PIERCE1: variants seen among roughly 807,000 people sequenced by gnomAD.
PIERCE1 encodes piercer of microtubule wall 1, also known as piercer of microtubule wall 1 protein.
chr9:135,499,602 ATCT>A, the PIERCE1 span: 5 of 1,431,798 alleles, frequency 3.5e-6, no homozygotes, highest in Non-Finnish European at 4.8e-6. Flanking sequence ...TGACCACTCG[ATCT>A]TCTTGATTTC....
the PIERCE1 span, among the ~76,000 whole-genome samples, chr9:135,496,504 C>T: frequency 6.6e-6 from 1 of 152,236 alleles, no homozygotes; most frequent in African/African-American, 2.4e-5. Context: ...CCTGATGTTT[C>T]ATCTCCTTGG....
At chr9:135,497,822 A>G in the PIERCE1 span, among the ~76,000 whole-genome samples, 5 of 152,218 alleles carry the variant, frequency 3.3e-5, no homozygotes, top group African/African-American at 7.2e-5. Context: ...GCATTTTTAG[A>G]TAAGTAATCT....
the PIERCE1 span, among the ~76,000 whole-genome samples, chr9:135,497,134 A>G: frequency 6.6e-6 from 1 of 152,180 alleles, no homozygotes; most frequent in East Asian, 1.9e-4. Flanking sequence ...TTTATCTTCT[A>G]TTCCCACATG....
chr9:135,496,756 G>A, the PIERCE1 span, among the ~76,000 whole-genome samples: 12 of 149,014 alleles, frequency 8.1e-5, no homozygotes, highest in African/African-American at 2.3e-4. Flanking sequence ...ACAGGGATCC[G>A]CCCATGCAGT....
At chr9:135,499,561 A>C in the PIERCE1 span, 1 of 1,104,980 alleles carries the variant, frequency 9.0e-7, no homozygotes, top group Non-Finnish European at 1.3e-6. Flanking sequence ...GTCGCCGCTC[A>C]CTGGCGGGCG....
chr9:135,497,223 A>T, the PIERCE1 span, among the ~76,000 whole-genome samples: 1 of 152,172 alleles, frequency 6.6e-6, no homozygotes, highest in Non-Finnish European at 1.5e-5. Context: ...GGTGGATAAG[A>T]AGGAGGAGAA....
chr9:135,498,138 C>CA, the PIERCE1 span, among the ~76,000 whole-genome samples: 1 of 152,158 alleles, frequency 6.6e-6, no homozygotes, highest in Admixed American at 6.5e-5. The surrounding 1 kb of genome is among the most constrained non-coding windows in gnomAD (Gnocchi z 4.1). Context: ...CTTGCCCACC[C>CA]ACAAGCTGTG....
chr9:135,495,715 G>A, the PIERCE1 span: 1 of 1,150,558 alleles, frequency 8.7e-7, no homozygotes, highest in East Asian at 2.6e-5. Flanking sequence ...AGAAAATGCA[G>A]AGAAGCCAGA....
At chr9:135,499,332 C>T in the PIERCE1 span, 1 of 466,982 alleles carries the variant, frequency 2.1e-6, no homozygotes, top group Non-Finnish European at 4.2e-6. Flanking sequence ...TCTTAGCCTG[C>T]AATGCCCTGT....
At chr9:135,495,195 C>T in the PIERCE1 span, 18 of 477,102 alleles carry the variant, frequency 3.8e-5, no homozygotes, top group African/African-American at 3.0e-4. Flanking sequence ...GATGTGACAA[C>T]GTTTTTAATG....
the PIERCE1 span, chr9:135,499,098 T>C: frequency 3.7e-6 from 1 of 272,340 alleles, no homozygotes; most frequent in Non-Finnish European, 7.2e-6. Flanking sequence ...CCACTGCCCC[T>C]ACCTGTCAGT....
the PIERCE1 span, chr9:135,499,534 A>T: frequency 1.1e-6 from 1 of 877,610 alleles, no homozygotes; most frequent in Non-Finnish European, 1.9e-6. Context: ...TCCTTGTATG[A>T]GGCTCTAGGG....
chr9:135,499,543 G>T, the PIERCE1 span: 1 of 946,716 alleles, frequency 1.1e-6, no homozygotes, highest in South Asian at 1.4e-5. Flanking sequence ...GAGGCTCTAG[G>T]GAGCACGGTC....
the PIERCE1 span, chr9:135,498,994 T>C: frequency 3.2e-5 from 10 of 314,032 alleles, no homozygotes; most frequent in Non-Finnish European, 6.0e-5. This position sits in a 1 kb window ranked among gnomAD's most constrained non-coding sequence, Gnocchi z 4.1. Context: ...ACCTAGCTTG[T>C]CAGGAGCGGA....
chr9:135,498,098 G>A, the PIERCE1 span, among the ~76,000 whole-genome samples: 13 of 152,096 alleles, frequency 8.5e-5, no homozygotes, highest in East Asian at 2.5e-3. This position sits in a 1 kb window ranked among gnomAD's most constrained non-coding sequence, Gnocchi z 4.1. Context: ...TTCCCCAATG[G>A]CCCACAGACT....
the PIERCE1 span, chr9:135,498,592 T>C: frequency 6.2e-7 from 1 of 1,613,944 alleles, no homozygotes; most frequent in Non-Finnish European, 8.5e-7. This position sits in a 1 kb window ranked among gnomAD's most constrained non-coding sequence, Gnocchi z 4.1. Flanking sequence ...TACAGGCATC[T>C]CGTGCACGGT....
chr9:135,497,270 C>T, the PIERCE1 span, among the ~76,000 whole-genome samples: 1 of 152,236 alleles, frequency 6.6e-6, no homozygotes, highest in African/African-American at 2.4e-5. Flanking sequence ...CTCATGCCTC[C>T]TACCCCACTG....
chr9:135,498,876 A>C, the PIERCE1 span: 1 of 571,312 alleles, frequency 1.8e-6, no homozygotes, highest in Non-Finnish European at 3.1e-6. The surrounding 1 kb of genome is among the most constrained non-coding windows in gnomAD (Gnocchi z 4.1). Flanking sequence ...TCTGCTTGCC[A>C]CTGTCCCTGC....
chr9:135,496,986 G>A, the PIERCE1 span, among the ~76,000 whole-genome samples: 4 of 152,232 alleles, frequency 2.6e-5, no homozygotes, highest in East Asian at 1.9e-4. Flanking sequence ...TAGTAGAGAC[G>A]GGGTTTCGCC....
Sources: gnomAD v4.1 joint callset for allele counts (sites outside exome capture counted in the v4.1 genomes callset) on GRCh38, gnomAD v4.1.1 for gene constraint, Gnocchi (gnomAD v3.1) non-coding constraint, MANE v1.5 for transcripts, NCBI Gene and HGNC (gene_info 2026-07-23, HGNC 2026-07-21) for gene names.